PUDP: variants seen among roughly 807,000 people sequenced by gnomAD.
PUDP encodes the protein pseudouridine 5'-phosphatase.
PUDP carries 8 observed loss-of-function variants against 9.4 expected under a neutral mutation model. That is an observed-to-expected ratio of 0.85 (90% CI 0.50 to 1.53). The LOEUF (loss-of-function observed/expected upper bound fraction) is 1.53, where lower values mean the gene tolerates loss of function less well. PUDP is among the 40% of genes most tolerant of loss of function. PUDP has a pLI of 0.00. For synonymous variants in PUDP, 99 were observed against 80.7 expected (o/e 1.23, Z -1.22); for missense variants, 188 against 189.7 (o/e 0.99, Z 0.05).
chrX:6,937,430 T>A (rs1395743211), intron 3 of PUDP, among the ~76,000 whole-genome samples: 1 of 106,756 alleles, frequency 9.4e-6, no homozygotes, highest in Non-Finnish European at 1.9e-5. Context: ...GCTAGCCATA[T>A]GTAGAAAGCT....
chrX:6,865,108 G>A (rs1428402680), intron 3 of PUDP, among the ~76,000 whole-genome samples: 1 of 101,908 alleles, frequency 9.8e-6, no homozygotes, highest in Non-Finnish European at 2.0e-5. Context: ...TTTGCCTCTA[G>A]AGTATATGTA....
intron 1 of PUDP, among the ~76,000 whole-genome samples, chrX:6,980,913 C>G (rs926651060): frequency 4.5e-5 from 5 of 111,244 alleles, no homozygotes; most frequent in African/African-American, 1.6e-4. Flanking sequence ...CACAGGGTTC[C>G]TGGAGCCAAT....
upstream of PUDP, among the ~76,000 whole-genome samples, chrX:6,724,168 A>C (rs188341115): frequency 1.8e-5 from 2 of 111,631 alleles, no homozygotes; most frequent in Admixed American, 1.9e-4. Context: ...AATGTAATTT[A>C]ATGTGCAATA....
chrX:7,134,367 C>G (rs750293394), intron 1 of PUDP, among the ~76,000 whole-genome samples: 1 of 112,146 alleles, frequency 8.9e-6, no homozygotes, highest in South Asian at 3.7e-4. Context: ...GCTGGTAACT[C>G]TAAGTGATGA....
chrX:7,005,855 C>T (rs990484448), intron 1 of PUDP, among the ~76,000 whole-genome samples: 3 of 111,450 alleles, frequency 2.7e-5, no homozygotes, highest in Non-Finnish European at 5.6e-5. Flanking sequence ...CTCCTCCCCA[C>T]CCCGGGTAAC....
At chrX:7,024,754 C>CTTTTTT (rs55692944) in intron 1 of PUDP, among the ~76,000 whole-genome samples, 4 of 54,441 alleles carry the variant, frequency 7.3e-5, no homozygotes, top group Non-Finnish European at 9.8e-5. Flanking sequence ...GCCCGGCTAA[C>CTTTTTT]TTTTTTTTTT....
chrX:6,747,272 G>A (rs1925010514), intron 3 of PUDP, among the ~76,000 whole-genome samples: 1 of 111,693 alleles, frequency 9.0e-6, no homozygotes. Flanking sequence ...AATTTGTCCT[G>A]ATTTCATGAG....
At position 7,133,828 on chromosome X, in the gene PUDP, C is replaced by A. The variant is rs768207412; in HGVS notation, c.61+14225G>T. On this transcript the variant is annotated intron_variant, in intron 1 of 3. Transcript: ENST00000381077. ...TGTGATCATATAAAGATGTTAATTT[C>A]TTCAGGCTACTTCACAGAAGTCCCG... is the stretch of plus-strand genomic sequence containing the variant. Among the ~76,000 whole-genome samples, 4 of 112,055 alleles carry A rather than the reference C, an allele frequency of 3.6e-5. No individual in the cohort carries two copies. The Admixed American group carries it at 3.8e-4, about 11-fold the overall frequency.
chrX:7,052,470 T>C (rs1168056590), intron 3 of PUDP, among the ~76,000 whole-genome samples: 2 of 112,151 alleles, frequency 1.8e-5, no homozygotes, highest in African/African-American at 6.5e-5. Context: ...TCTGCATTCT[T>C]TGGCGTTTTC....
At chrX:7,094,450 G>A (rs750584060) in intron 2 of PUDP, among the ~76,000 whole-genome samples, 12 of 108,212 alleles carry the variant, frequency 1.1e-4, no homozygotes, top group African/African-American at 3.7e-4. Context: ...TCCGCCCCGC[G>A]GGTTCACGCC....
intron 1 of PUDP, among the ~76,000 whole-genome samples, chrX:7,121,029 G>A (rs763708959): frequency 1.4e-4 from 16 of 111,906 alleles, no homozygotes; most frequent in Non-Finnish European, 2.4e-4. Context: ...GTTGTGGGAA[G>A]ATTTGTCATC....
intron 1 of PUDP, among the ~76,000 whole-genome samples, chrX:6,718,640 A>G (rs1924627371): frequency 9.0e-6 from 1 of 111,357 alleles, no homozygotes; most frequent in African/African-American, 3.3e-5. Context: ...AAATTACTTA[A>G]TGGGTACAAT....
intron 3 of PUDP, among the ~76,000 whole-genome samples, chrX:6,804,795 A>G (rs904109803): frequency 4.5e-5 from 5 of 112,059 alleles, no homozygotes; most frequent in African/African-American, 1.6e-4. Flanking sequence ...GAGGCTGAGT[A>G]GACAGAGCCA....
intron 1 of PUDP, among the ~76,000 whole-genome samples, chrX:7,132,551 A>T (rs1295065872): frequency 8.9e-6 from 1 of 111,844 alleles, no homozygotes; most frequent in Admixed American, 9.5e-5. Context: ...AGAAAGGAAC[A>T]AGTCATGGAG....
chrX:6,820,151 A>C (rs929745175), intron 3 of PUDP, among the ~76,000 whole-genome samples: 1 of 109,516 alleles, frequency 9.1e-6, no homozygotes, highest in Non-Finnish European at 1.9e-5. Context: ...AAAAGTAGAA[A>C]CCCCTGATAA....
In PUDP at chrX:6,913,596, C is replaced by A. The variant is rs145631081; in HGVS notation, c.*247+63537G>T. ...CAAAAGAGCATTGTTTTTCATCTTA[C>A]CCACTCCAGTCTTCCATCAAAAACT... On this transcript the variant is annotated intron_variant and NMD_transcript_variant, in intron 3 of 3. Coordinates refer to the PUDP transcript ENST00000655425. Among the ~76,000 whole-genome samples the A allele has an allele frequency of 9.1e-3, 1,018 of 111,561 alleles. 38 individuals carry two copies. Among genetic ancestry groups the A allele is most frequent in the Admixed American group, 0.081 (842 of 10,450 alleles).
At chrX:6,924,979 G>A (rs749254339) in intron 3 of PUDP, among the ~76,000 whole-genome samples, 3 of 111,874 alleles carry the variant, frequency 2.7e-5, no homozygotes, top group Non-Finnish European at 5.6e-5. Context: ...TGGTAAACAT[G>A]ATGCCCAAGG....
At chrX:7,109,610 G>A (rs1363481602) in intron 1 of PUDP, among the ~76,000 whole-genome samples, 2 of 112,545 alleles carry the variant, frequency 1.8e-5, no homozygotes, top group East Asian at 2.8e-4. Context: ...GTAGGGGACT[G>A]TGCAGACAGA....
chrX:6,781,205 C>T (rs943838308), intron 3 of PUDP, among the ~76,000 whole-genome samples: 1 of 111,594 alleles, frequency 9.0e-6, no homozygotes, highest in Non-Finnish European at 1.9e-5. Context: ...CACCAGCAAT[C>T]ACATATCACA....
Sources: allele counts gnomAD v4.1 joint callset (sites outside exome capture counted in the v4.1 genomes callset), GRCh38; gene constraint gnomAD v4.1.1; transcripts MANE v1.5; gene names NCBI Gene and HGNC (gene_info 2026-07-23, HGNC 2026-07-21).